Variants in TMTC3 observed in about 807,000 individuals in gnomAD.
TMTC3 encodes the protein protein O-mannosyl-transferase TMTC3.
In TMTC3, 52 loss-of-function variants were observed where a neutral mutation model predicts 92.2. The ratio of observed to expected loss-of-function variants is 0.56; its 90% CI spans 0.45 to 0.71. TMTC3 has a LOEUF of 0.71. Ranked by LOEUF, TMTC3 falls within the 30% of genes least tolerant of loss-of-function variation. TMTC3 has a pLI of 0.00. For missense variants in TMTC3, 896 were observed against 1,057.1 expected (o/e 0.85, Z 2.11); for synonymous variants, 339 against 363.3 (o/e 0.93, Z 0.76).
intron 6 of TMTC3, among the ~76,000 whole-genome samples, chr12:88,166,053 G>A (rs982224699): frequency 1.3e-5 from 2 of 152,042 alleles, no homozygotes; most frequent in African/African-American, 4.8e-5. Flanking sequence ...TAATATTATA[G>A]GATGCATGTC....
At position 88,172,672 on chromosome 12, in the gene TMTC3, C is replaced by T. The variant is rs758700815; in HGVS notation, c.1126C>T (p.Arg376Ter). Residue 376 changes from arginine to a stop codon, truncating the protein, a stop_gained, in exon 8 of 14, where the codon CGA (arginine) becomes TGA (stop). Coordinates refer to ENST00000266712, the MANE Select transcript of TMTC3 (RefSeq NM_181783.4). LOFTEE classifies it high-confidence loss of function. ...TCCAGTTGGATTTGTTGTTGCCGAGCGAGTATTATATGTTCCCAGCATGGG... is the reference window on the plus strand; with the variant it reads ...TCCAGTTGGATTTGTTGTTGCCGAGTGAGTATTATATGTTCCCAGCATGGG... ...FFPVGFVVAE[R>*]VLYVPSMGFC... 3.1e-6 allele frequency: 5 copies of T among 1,588,802 alleles called. No individual in the cohort carries two copies. Among genetic ancestry groups the T allele is most frequent in the South Asian group, 2.3e-5 (2 of 86,806 alleles).
chr12:88,190,588 A>G lies in TMTC3; in HGVS notation c.1672A>G (p.Met558Val). The G allele has an allele frequency of 6.2e-7, 1 of 1,613,914 alleles. No individual in the cohort carries two copies. ...ADQLYRQAIS[M>V]RPDFKQAYIS... ...TCAGCTGTACCGTCAAGCAATAAGC[A>G]TGAGGCCCGACTTCAAGCAGGCTTA... Residue 558 changes from methionine to valine, a missense_variant, in exon 12 of 14, where the codon ATG (methionine) becomes GTG (valine). By Grantham distance (21) the Met-to-Val change is conservative (BLOSUM62 1). Coordinates refer to ENST00000266712, the MANE Select transcript of TMTC3 (RefSeq NM_181783.4).
chr12:88,166,944 C>G (rs1357411008), intron 7 of TMTC3, among the ~76,000 whole-genome samples: 5 of 150,434 alleles, frequency 3.3e-5, no homozygotes, highest in African/African-American at 4.9e-5. Flanking sequence ...TTTTATTACT[C>G]CCTTAGATAG....
In TMTC3 at chr12:88,153,293, G is replaced by A; in HGVS notation, c.192G>A (p.Glu64=). 6.2e-7 allele frequency: 1 copy of A among 1,606,588 alleles called. No homozygotes were observed. The highest frequency in any genetic ancestry group is 8.5e-7 in the Non-Finnish European group (1 of 1,176,800). Residue 64 remains glutamate (E), a splice_region_variant and synonymous_variant, in exon 3 of 14, where the codon GAG becomes GAA. Transcript: ENST00000266712. ...CACTGATCGTTTTTTCCTTGTAGGAGAGAAGCCACAAGTCTTACCGTCCCT... is the reference window on the plus strand; with the variant it reads ...CACTGATCGTTTTTTCCTTGTAGGAAAGAAGCCACAAGTCTTACCGTCCCT... The part of the protein sequence containing the change: ...NDFWGTPMSE[E]RSHKSYRPLT...
intron 2 of TMTC3, among the ~76,000 whole-genome samples, chr12:88,149,300 C>T (rs2040913101): frequency 6.6e-6 from 1 of 152,102 alleles, no homozygotes; most frequent in Admixed American, 6.5e-5. Flanking sequence ...AAACCCTTAT[C>T]AGCTTGATAT....
At position 88,190,561 on chromosome 12, in the gene TMTC3, G is replaced by T; in HGVS notation, c.1645G>T (p.Asp549Tyr). 6.2e-7 allele frequency: 1 copy of T among 1,613,956 alleles called. No homozygotes were observed. The highest frequency in any genetic ancestry group is 8.5e-7 in the Non-Finnish European group (1 of 1,179,934). Residue 549 changes from aspartate (D) to tyrosine (Y), a missense_variant, in exon 12 of 14, where the codon GAT becomes TAT. Transcript: ENST00000266712. The stretch of plus-strand genomic sequence containing the variant: ...AAATGAGTCCCGACTGGAAGAAGCA[G>T]ATCAGCTGTACCGTCAAGCAATAAG... ...RANESRLEEA[D>Y]QLYRQAISMR... is the part of the protein sequence containing the mutation.
chr12:88,175,177 A>G (rs868630459), intron 9 of TMTC3, among the ~76,000 whole-genome samples: 1 of 148,240 alleles, frequency 6.7e-6, no homozygotes, highest in Admixed American at 6.7e-5. Flanking sequence ...ATGTACAGCG[A>G]AAAAAAAAAG....
Position 88,148,513 on chromosome 12 carries a change from T to C in TMTC3, c.189+9T>C. ...GAACCCCTATGTCTGAGGTAAGTAA[T>C]TACTTACATATTACTTGTACATGTC... On this transcript the variant is annotated intron_variant, in intron 2 of 13. Coordinates refer to ENST00000266712, the MANE Select transcript of TMTC3 (RefSeq NM_181783.4). 6.4e-7 allele frequency: 1 copy of C among 1,573,812 alleles called. No individual in the cohort carries two copies. Among genetic ancestry groups the C allele is most frequent in the Non-Finnish European group, 8.7e-7 (1 of 1,154,944 alleles).
chr12:88,196,595 T>C lies in TMTC3; in HGVS notation c.*946T>C, dbSNP rs1034393643. The C allele has an allele frequency of 3.3e-5, 5 of 151,932 alleles. No individual in the cohort carries two copies. Among genetic ancestry groups the C allele is most frequent in the African/African-American group, 1.2e-4 (5 of 41,438 alleles). The allele number at this position is 151,932 out of a possible 1,614,324, so 9.4% of individuals were successfully genotyped here. The stretch of plus-strand genomic sequence containing the variant: ...CACAATTGAATTATTCTTAGATACC[T>C]TAAGCCACTGAATTCAGTTCTGTTT... On this transcript the variant is annotated 3_prime_UTR_variant, in exon 14 of 14. Transcript: ENST00000266712.
chr12:88,170,808 C>T (rs1471638456), intron 7 of TMTC3, among the ~76,000 whole-genome samples: 1 of 152,108 alleles, frequency 6.6e-6, no homozygotes, highest in Non-Finnish European at 1.5e-5. Flanking sequence ...TTCCTAATAA[C>T]GACCAAACTT....
intron 4 of TMTC3, among the ~76,000 whole-genome samples, chr12:88,155,489 A>G (rs1451817502): frequency 3.3e-5 from 5 of 152,144 alleles, no homozygotes; most frequent in Admixed American, 3.3e-4. Context: ...GTCTAATCAT[A>G]TCTTCTGCCA....
At chr12:88,177,243 T>C (rs371502419) in intron 10 of TMTC3, among the ~76,000 whole-genome samples, 1 of 151,104 alleles carries the variant, frequency 6.6e-6, no homozygotes, top group Non-Finnish European at 1.5e-5. Context: ...CAAGAATCGC[T>C]GGAACCTGGG....
chr12:88,195,071 C>G lies in TMTC3; in HGVS notation c.2167C>G (p.Pro723Ala). 6.2e-7 allele frequency: 1 copy of G among 1,613,768 alleles called. No individual in the cohort carries two copies. Among genetic ancestry groups the G allele is most frequent in the South Asian group, 1.1e-5 (1 of 91,054 alleles). Reference sequence around the variant, plus strand: ...GACTGCAAAGGAATTAAAGGCTTTGCCAATTTTGGAGGAGTTACTCAGATA... The same window carrying G: ...GACTGCAAAGGAATTAAAGGCTTTGGCAATTTTGGAGGAGTTACTCAGATA... ...SQTAKELKALPILEELLRYYP... is the reference protein window; with the variant it reads ...SQTAKELKALAILEELLRYYP... The change falls in exon 14 of 14, where the codon CCA becomes GCA. Residue 723 changes from proline to alanine, a missense_variant. Coordinates refer to ENST00000266712, the MANE Select transcript of TMTC3 (RefSeq NM_181783.4).
chr12:88,172,874 T>G (rs149546088), intron 8 of TMTC3, 129 bp downstream of exon 8: 3 of 1,495,520 alleles, frequency 2.0e-6, no homozygotes, highest in African/African-American at 2.8e-5. Context: ...CTCCATAGTC[T>G]CCTCATTTGT....
Position 88,148,323 on chromosome 12 carries a change from A to G in TMTC3, c.8A>G (p.Asn3Ser). 6.2e-7 allele frequency: 1 copy of G among 1,607,034 alleles called. No homozygotes were observed. The highest frequency in any genetic ancestry group is 8.5e-7 in the Non-Finnish European group (1 of 1,177,462). MA[N>S]INLKEITLIV... ...GAAGTGCTTATAGAAAAGATGGCTA[A>G]TATTAACCTAAAAGAAATAACCTTA... The change falls in exon 2 of 14, where the codon AAT becomes AGT. Residue 3 changes from asparagine to serine, a missense_variant. Coordinates refer to ENST00000266712, the MANE Select transcript of TMTC3 (RefSeq NM_181783.4).
intron 8 of TMTC3, chr12:88,173,213 C>G: frequency 1.7e-6 from 1 of 580,974 alleles, no homozygotes; most frequent in Non-Finnish European, 2.5e-6. Context: ...AGTTAAGGAA[C>G]AGCATAGTCA....
At chr12:88,156,948 ATGT>A (rs1451754910) in intron 4 of TMTC3, among the ~76,000 whole-genome samples, 2 of 151,930 alleles carry the variant, frequency 1.3e-5, no homozygotes, top group Non-Finnish European at 1.5e-5. Flanking sequence ...AAACAGAGTA[ATGT>A]TGTTTTCTAT....
Position 88,197,917 on chromosome 12 carries a change from G to C in TMTC3, c.*2268G>C, listed in dbSNP as rs2041534010. Reference sequence around the variant, plus strand: ...GCTTGTTTTTCCAAAAGCTCTTTGAGTGATTCTAATTTGTAGTCAGAGTTG... The same window carrying C: ...GCTTGTTTTTCCAAAAGCTCTTTGACTGATTCTAATTTGTAGTCAGAGTTG... On this transcript the variant is annotated 3_prime_UTR_variant, in exon 14 of 14. Coordinates refer to ENST00000266712, the MANE Select transcript of TMTC3 (RefSeq NM_181783.4). 1 of 155,364 alleles carries C rather than the reference G, an allele frequency of 6.4e-6. No homozygotes were observed. The highest frequency in any genetic ancestry group is 1.4e-5 in the Non-Finnish European group (1 of 70,308). The allele number at this position is 155,364 out of a possible 1,614,324, so 9.6% of individuals were successfully genotyped here.
rs142168411 is a variant in TMTC3 at position 88,173,980 on chromosome 12, C to T, written c.1200-627C>T. Reference sequence around the variant, plus strand: ...ATCTATCAAAATGAAATAAATTAAACCATGTTACAGGAACAAAAACACAGA... The same window carrying T: ...ATCTATCAAAATGAAATAAATTAAATCATGTTACAGGAACAAAAACACAGA... On this transcript the variant is annotated intron_variant, in intron 8 of 13. Transcript: ENST00000266712. Among the ~76,000 whole-genome samples, 658 of 152,076 alleles carry T rather than the reference C, an allele frequency of 4.3e-3. 3 individuals carry two copies. Among genetic ancestry groups the T allele is most frequent in the Non-Finnish European group, 5.3e-3 (361 of 67,916 alleles).
Sources: gnomAD v4.1 joint callset for allele counts (sites outside exome capture counted in the v4.1 genomes callset) on GRCh38, gnomAD v4.1.1 for gene constraint, MANE v1.5 for transcripts, NCBI Gene and HGNC (gene_info 2026-07-23, HGNC 2026-07-21) for gene names.